The following CDH4 variants were observed in gnomAD, a reference collection of about 807,000 sequenced individuals.
CDH4 encodes cadherin 4.
CDH4 carries 33 observed loss-of-function variants against 86.0 expected under a neutral mutation model. That is an observed-to-expected ratio of 0.38 (90% CI 0.29 to 0.51). The LOEUF is 0.51. CDH4 is among the 20% of genes least tolerant of loss of function. The pLI, the probability that CDH4 is intolerant of heterozygous loss-of-function variation, is 0.86. For missense variants in CDH4, 1,114 were observed against 1,307.4 expected (o/e 0.85, Z 2.28); for synonymous variants, 555 against 549.4 (o/e 1.01, Z -0.14).
In CDH4 at chr20:61,807,173, G is replaced by A. The variant is rs1455278968; in HGVS notation, c.576+33991G>A. On this transcript the variant is annotated intron_variant, in intron 4 of 15. Transcript: ENST00000614565. This position sits in a 1 kb window ranked among gnomAD's most constrained non-coding sequence, Gnocchi z 4.5. ...GCAGGTGCCGGGAGGGCCTCGGGAG[G>A]TGCCTGGTGGGTCCTGCCAGACAGA... 6.6e-6 allele frequency among the ~76,000 whole-genome samples: 1 copy of A among 152,238 alleles called. No homozygotes were observed. Among genetic ancestry groups the A allele is most frequent in the Admixed American group, 6.5e-5 (1 of 15,290 alleles).
intron 8 of CDH4, among the ~76,000 whole-genome samples, chr20:61,900,242 A>C (rs1985327453): frequency 6.6e-6 from 1 of 152,228 alleles, no homozygotes; most frequent in African/African-American, 2.4e-5. Flanking sequence ...AGAAATTACG[A>C]TTCAGCGTGA....
intron 2 of CDH4, among the ~76,000 whole-genome samples, chr20:61,316,391 T>G (rs1180304255): frequency 6.6e-6 from 1 of 152,230 alleles, no homozygotes; most frequent in African/African-American, 2.4e-5. Flanking sequence ...TCTAACAAGT[T>G]TGAAAAAGTC....
chr20:61,765,312 G>A (rs886963715), intron 3 of CDH4, among the ~76,000 whole-genome samples: 1 of 152,196 alleles, frequency 6.6e-6, no homozygotes, highest in South Asian at 2.1e-4. Flanking sequence ...GGGGCACACT[G>A]CTCCAGGCTC....
At chr20:61,758,373 C>T (rs145075827) in intron 3 of CDH4, among the ~76,000 whole-genome samples, 191 of 152,310 alleles carry the variant, frequency 1.3e-3, no homozygotes, top group African/African-American at 4.1e-3. Flanking sequence ...TGCTCTGCCT[C>T]GGGCCCTGGG....
chr20:61,456,099 G>A (rs2085405536), intron 2 of CDH4, among the ~76,000 whole-genome samples: 1 of 152,146 alleles, frequency 6.6e-6, no homozygotes, highest in South Asian at 2.1e-4. Flanking sequence ...TGGCTGGATG[G>A]TTGGATGGAT....
intron 2 of CDH4, among the ~76,000 whole-genome samples, chr20:61,471,454 T>A (rs1040604064): frequency 6.6e-6 from 1 of 151,910 alleles, no homozygotes; most frequent in Non-Finnish European, 1.5e-5. Context: ...CAATTGTGTT[T>A]ATCTTTTTTA....
At chr20:61,502,376 T>C (rs529427763) in intron 2 of CDH4, among the ~76,000 whole-genome samples, 1 of 152,304 alleles carries the variant, frequency 6.6e-6, no homozygotes, top group Admixed American at 6.5e-5. Flanking sequence ...GGGAATTTGC[T>C]TTCTGTTTCC....
intron 2 of CDH4, among the ~76,000 whole-genome samples, chr20:61,322,703 G>A (rs571664019): frequency 6.6e-6 from 1 of 152,292 alleles, no homozygotes; most frequent in South Asian, 2.1e-4. Context: ...ACGCTGAGAC[G>A]CAGCCACCGA....
At chr20:61,457,186 G>A (rs375575023) in intron 2 of CDH4, among the ~76,000 whole-genome samples, 1 of 152,160 alleles carries the variant, frequency 6.6e-6, no homozygotes, top group African/African-American at 2.4e-5. Context: ...GAGACAAGGA[G>A]CGGACAAGGT....
chr20:61,352,458 T>C (rs1393537319), intron 2 of CDH4, among the ~76,000 whole-genome samples: 1 of 152,342 alleles, frequency 6.6e-6, no homozygotes, highest in East Asian at 1.9e-4. Flanking sequence ...GGCAAACGTC[T>C]TTACATTGCT....
intron 7 of CDH4, among the ~76,000 whole-genome samples, chr20:61,884,633 G>A (rs1220436482): frequency 6.6e-6 from 1 of 152,136 alleles, no homozygotes; most frequent in East Asian, 1.9e-4. Flanking sequence ...ACCTCAGAAA[G>A]GAGCCCTCCG....
intron 2 of CDH4, among the ~76,000 whole-genome samples, chr20:61,436,336 G>A (rs1235426475): frequency 6.6e-6 from 1 of 152,178 alleles, no homozygotes; most frequent in Non-Finnish European, 1.5e-5. Context: ...AGACCCCACA[G>A]GTTAAGGACA....
At position 61,318,938 on chromosome 20, in the gene CDH4, A is replaced by G. The variant is rs1171391241; in HGVS notation, c.169+64001A>G. Among the ~76,000 whole-genome samples, 164 of 152,242 alleles carry G rather than the reference A, an allele frequency of 1.1e-3. 1 individual carries two copies. Among genetic ancestry groups the G allele is most frequent in the Non-Finnish European group, 2.5e-4 (17 of 68,046 alleles). ...GGGCAGAGACCCCTCCTTGCCCGCAATGATGCTGCCATCGGCCTGAGCCAT... is the reference window on the plus strand; with the variant it reads ...GGGCAGAGACCCCTCCTTGCCCGCAGTGATGCTGCCATCGGCCTGAGCCAT... On this transcript the variant is annotated intron_variant, in intron 2 of 15. Transcript: ENST00000614565.
intron 4 of CDH4, among the ~76,000 whole-genome samples, chr20:61,789,700 C>G (rs143352974): frequency 3.1e-3 from 469 of 152,350 alleles, no homozygotes; most frequent in Non-Finnish European, 4.9e-3. Flanking sequence ...CCCAGCAAAC[C>G]GACATGCAGG....
chr20:61,880,703 G>A (rs1176200990), intron 7 of CDH4, among the ~76,000 whole-genome samples: 1 of 152,220 alleles, frequency 6.6e-6, no homozygotes, highest in Admixed American at 6.5e-5. Flanking sequence ...GGTGAGGGTC[G>A]GATGCAGAGA....
At chr20:61,494,096 C>T (rs1383404275) in intron 2 of CDH4, among the ~76,000 whole-genome samples, 1 of 152,186 alleles carries the variant, frequency 6.6e-6, no homozygotes, top group Non-Finnish European at 1.5e-5. Context: ...ACTCCAGGAG[C>T]AGGTGGAGAC....
At position 61,676,101 on chromosome 20, in the gene CDH4, G is replaced by C. The variant is rs945631679; in HGVS notation, c.170-67462G>C. On this transcript the variant is annotated intron_variant, in intron 2 of 15. Transcript: ENST00000614565. This position sits in a 1 kb window ranked among gnomAD's most constrained non-coding sequence, Gnocchi z 4.5. ...GGGGGAGCCTCAGCGAGGACCGAGT[G>C]TGGGGTCCAAGGTCTGAGACTTAAT... Among the ~76,000 whole-genome samples the C allele has an allele frequency of 6.6e-6, 1 of 152,214 alleles. No individual in the cohort carries two copies. The highest frequency in any genetic ancestry group is 2.4e-5 in the African/African-American group (1 of 41,454).
intron 6 of CDH4, among the ~76,000 whole-genome samples, chr20:61,863,196 C>T (rs558681390): frequency 1.3e-5 from 2 of 152,368 alleles, no homozygotes; most frequent in Admixed American, 6.5e-5. Context: ...TGGCAGCCTC[C>T]GCTGTCTCCC....
intron 2 of CDH4, among the ~76,000 whole-genome samples, chr20:61,455,884 T>G (rs2085404167): frequency 6.6e-6 from 1 of 151,886 alleles, no homozygotes; most frequent in African/African-American, 2.4e-5. Flanking sequence ...TGTGGATAGA[T>G]GGATATATGG....
Sources: gnomAD v4.1 joint callset for allele counts (sites outside exome capture counted in the v4.1 genomes callset) on GRCh38, gnomAD v4.1.1 for gene constraint, Gnocchi (gnomAD v3.1) non-coding constraint, MANE v1.5 for transcripts, NCBI Gene and HGNC (gene_info 2026-07-23, HGNC 2026-07-21) for gene names.